Variants in TRPC5 observed in about 807,000 individuals in gnomAD.
TRPC5 encodes the protein transient receptor potential cation channel subfamily C member 5, also known as short transient receptor potential channel 5.
TRPC5 carries 9 observed loss-of-function variants against 56.5 expected under a neutral mutation model. The observed-to-expected ratio is 0.16, with a 90% CI of 0.10 to 0.28. The LOEUF is 0.28. TRPC5 is among the 10% of genes least tolerant of loss of function. TRPC5 has a pLI of 1.00. For synonymous variants in TRPC5, 282 were observed against 278.5 expected (o/e 1.01, Z -0.13); for missense variants, 469 against 748.9 (o/e 0.63, Z 4.36).
At chrX:111,899,775 G>A (rs888547218) in intron 3 of TRPC5, among the ~76,000 whole-genome samples, 2 of 111,308 alleles carry the variant, frequency 1.8e-5, no homozygotes, top group African/African-American at 6.5e-5. Context: ...CTAAATAAAT[G>A]CCAAATTCCT....
At chrX:111,966,426 C>G (rs1044646169) in intron 1 of TRPC5, among the ~76,000 whole-genome samples, 6 of 111,986 alleles carry the variant, frequency 5.4e-5, no homozygotes, top group African/African-American at 2.0e-4. Context: ...ACCATTCCTT[C>G]TGAAACTATA....
chrX:111,802,374 TA>T (rs1257034954), intron 7 of TRPC5, among the ~76,000 whole-genome samples: 1 of 111,513 alleles, frequency 9.0e-6, no homozygotes, highest in African/African-American at 3.3e-5. Context: ...ATATGAATTT[TA>T]GGAGCAGCTT....
chrX:111,826,953 T>C (rs1922256107), intron 7 of TRPC5, among the ~76,000 whole-genome samples: 1 of 111,416 alleles, frequency 9.0e-6, no homozygotes, highest in African/African-American at 3.3e-5. Flanking sequence ...AGAAGGTCTG[T>C]TAGGGCCCTT....
At chrX:111,991,003 G>A (rs889166147) in intron 1 of TRPC5, among the ~76,000 whole-genome samples, 2 of 111,958 alleles carry the variant, frequency 1.8e-5, no homozygotes, top group African/African-American at 6.5e-5. Context: ...CCAGACATCC[G>A]ATTGCCACTG....
At chrX:111,847,487 A>G (rs1244497425) in intron 5 of TRPC5, 51 bp from the exon 6 acceptor site, 1 of 1,105,872 alleles carries the variant, frequency 9.0e-7, no homozygotes, top group Admixed American at 2.6e-5. Context: ...AACATTTATA[A>G]AACTTTCCCT....
intron 1 of TRPC5, among the ~76,000 whole-genome samples, chrX:112,064,136 T>G (rs6642982): frequency 0.15 from 16,379 of 111,483 alleles, 2,765 homozygotes; most frequent in African/African-American, 0.49. Context: ...AACAATGAAG[T>G]ATTGGAAACT....
At chrX:112,023,945 C>G (rs943173375) in intron 1 of TRPC5, among the ~76,000 whole-genome samples, 1 of 111,277 alleles carries the variant, frequency 9.0e-6, no homozygotes, top group Admixed American at 9.6e-5. Context: ...ATATTACACC[C>G]CTCCCTCATT....
intron 2 of TRPC5, among the ~76,000 whole-genome samples, chrX:111,920,547 A>G (rs748935071): frequency 3.0e-4 from 33 of 110,882 alleles, no homozygotes; most frequent in Non-Finnish European, 5.9e-4. Context: ...TCAGTTTCCC[A>G]TCCAGGTCCC....
intron 1 of TRPC5, among the ~76,000 whole-genome samples, chrX:112,062,617 T>C (rs1310825803): frequency 8.9e-6 from 1 of 112,120 alleles, no homozygotes; most frequent in East Asian, 2.8e-4. Context: ...ACAATACTGG[T>C]ATAGGTAAAT....
chrX:112,023,234 G>GTT lies in TRPC5; in HGVS notation c.-22+58643_-22+58644dup, dbSNP rs749260030. Among the ~76,000 whole-genome samples the GTT allele has an allele frequency of 2.0e-3, 92 of 45,888 alleles. 1 individual carries two copies. Among genetic ancestry groups the GTT allele is most frequent in the African/African-American group, 5.1e-3 (64 of 12,445 alleles). The allele number at this position is 45,888 out of a possible 115,157, so 39.8% of individuals were successfully genotyped here. On this transcript the variant is annotated intron_variant, in intron 1 of 10. Transcript: ENST00000262839. ...CAGGCGTGAGCCACTGCGCCCAGCA[G>GTT]TTTTTTTTTTTGTTTTTTTTTTTTT... is the stretch of plus-strand genomic sequence containing the variant.
chrX:111,859,085 T>C (rs1267542720), intron 3 of TRPC5, among the ~76,000 whole-genome samples: 1 of 111,843 alleles, frequency 8.9e-6, no homozygotes, highest in African/African-American at 3.3e-5. Flanking sequence ...TTTTGGATAG[T>C]TGTCTGCGAA....
chrX:111,876,505 C>A (rs757055152), intron 3 of TRPC5, among the ~76,000 whole-genome samples: 2 of 111,721 alleles, frequency 1.8e-5, no homozygotes, highest in African/African-American at 3.3e-5. Context: ...TATGTAAATT[C>A]TCTTTTTCCT....
intron 7 of TRPC5, among the ~76,000 whole-genome samples, chrX:111,831,906 T>C (rs1398944311): frequency 9.0e-6 from 1 of 111,451 alleles, no homozygotes; most frequent in Non-Finnish European, 1.9e-5. Context: ...AACGGATGAA[T>C]CTGATTAAAA....
chrX:111,923,448 T>G (rs752845239), intron 2 of TRPC5, among the ~76,000 whole-genome samples: 42 of 112,138 alleles, frequency 3.7e-4, no homozygotes, highest in African/African-American at 1.3e-3. Context: ...TATGAAAGTT[T>G]GTAATTTGTG....
In TRPC5 at chrX:111,938,368, A is replaced by G. The variant is rs1297602497; in HGVS notation, c.378+13675T>C. Reference sequence around the variant, plus strand: ...TCTCCTGCCTAATTGCCCTGGCCAGAACTTCCAACACTATGTTGAATAGGA... The same window carrying G: ...TCTCCTGCCTAATTGCCCTGGCCAGGACTTCCAACACTATGTTGAATAGGA... On this transcript the variant is annotated intron_variant, in intron 2 of 10. Transcript: ENST00000262839. Among the ~76,000 whole-genome samples the G allele has an allele frequency of 3.9e-4, 41 of 104,390 alleles. 1 individual carries two copies. Among genetic ancestry groups the G allele is most frequent in the Non-Finnish European group, 7.0e-4 (36 of 51,422 alleles). The allele number at this position is 104,390 out of a possible 115,157, so 90.7% of individuals were successfully genotyped here.
At position 111,912,474 on chromosome X, in the gene TRPC5, G is replaced by T. The variant is rs370740061; in HGVS notation, c.717C>A (p.Ala239=). ...ACTGCTGAGAGAGCTCCTCATACTC[G>T]GCCTTGAACTCATTCTCCACCTTGC... ...ELSKVENEFK[A]EYEELSQQCK... is the part of the protein sequence containing the mutation. Residue 239 remains alanine (A), a synonymous_variant, in exon 3 of 11, where the codon GCC becomes GCA. Coordinates refer to ENST00000262839, the MANE Select transcript of TRPC5 (RefSeq NM_012471.3). The T allele has an allele frequency of 3.3e-6, 4 of 1,209,373 alleles. No individual in the cohort carries two copies. Among genetic ancestry groups the T allele is most frequent in the Non-Finnish European group, 4.5e-6 (4 of 895,144 alleles).
intron 1 of TRPC5, among the ~76,000 whole-genome samples, chrX:111,954,716 T>TGTTACTGGTATAGGAAGC (rs1266327739): frequency 3.6e-5 from 4 of 111,050 alleles, no homozygotes; most frequent in Non-Finnish European, 7.6e-5. Flanking sequence ...TCACTGGTGG[T>TGTTACTGGTATAGGAAGC]GTTACTGGTA....
intron 1 of TRPC5, among the ~76,000 whole-genome samples, chrX:112,004,337 T>C (rs767227808): frequency 8.9e-6 from 1 of 112,098 alleles, no homozygotes; most frequent in South Asian, 3.7e-4. Flanking sequence ...TAGTAACCAG[T>C]GTGAAAACCT....
chrX:111,776,535 G>GTTAATT lies in TRPC5; in HGVS notation c.2694_2699dup (p.Ile899_Asn900insLysIle). Reference sequence around the variant, plus strand: ...CTTCACCTAATTCTACCTCACTGAGGTTAATTTCACTTTGAGAACAGGCCT... The same window carrying GTTAATT: ...CTTCACCTAATTCTACCTCACTGAGGTTAATTTTAATTTCACTTTGAGAACAGGCCT... On this transcript the variant is annotated inframe_insertion, in exon 11 of 11. Coordinates refer to ENST00000262839, the MANE Select transcript of TRPC5 (RefSeq NM_012471.3). The GTTAATT allele has an allele frequency of 8.3e-7, 1 of 1,211,578 alleles. No individual in the cohort carries two copies. The highest frequency in any genetic ancestry group is 1.1e-6 in the Non-Finnish European group (1 of 895,403).
Sources: allele counts gnomAD v4.1 joint callset (sites outside exome capture counted in the v4.1 genomes callset), GRCh38; gene constraint gnomAD v4.1.1; transcripts MANE v1.5; gene names NCBI Gene and HGNC (gene_info 2026-07-23, HGNC 2026-07-21).